The following PTPRG variants were observed in gnomAD, a reference collection of about 807,000 sequenced individuals.
The protein encoded by PTPRG is protein tyrosine phosphatase receptor type G, also known as receptor-type tyrosine-protein phosphatase gamma.
In PTPRG, 102 loss-of-function variants were observed where a neutral mutation model predicts 165.3. That is an observed-to-expected ratio of 0.62 (90% confidence interval 0.53 to 0.73). The LOEUF (loss-of-function observed/expected upper bound fraction) is 0.73, where lower values mean the gene tolerates loss of function less well. PTPRG is among the 30% of genes least tolerant of loss of function. The pLI is 0.00. For missense variants in PTPRG, 1,866 were observed against 1,861.4 expected (o/e 1.00, Z -0.05); for synonymous variants, 675 against 669.5 (o/e 1.01, Z -0.13).
intron 1 of PTPRG, among the ~76,000 whole-genome samples, chr3:61,646,044 A>G (rs1410649547): frequency 6.6e-6 from 1 of 152,232 alleles, no homozygotes; most frequent in Non-Finnish European, 1.5e-5. Flanking sequence ...GGACTCCTCC[A>G]TTCAGAGAGA....
intron 2 of PTPRG, among the ~76,000 whole-genome samples, chr3:61,782,848 G>T (rs1297233660): frequency 6.6e-6 from 1 of 152,082 alleles, no homozygotes; most frequent in African/African-American, 2.4e-5. Context: ...TGTTGCCCAG[G>T]TTGGAGTGCA....
At chr3:62,281,026 A>G (rs953239182) in intron 26 of PTPRG, among the ~76,000 whole-genome samples, 2 of 152,040 alleles carry the variant, frequency 1.3e-5, no homozygotes, top group Admixed American at 6.6e-5. Flanking sequence ...CAAAAATGAA[A>G]GTGAGATGAT....
At chr3:61,747,472 A>G (rs1005532796) in intron 1 of PTPRG, among the ~76,000 whole-genome samples, 5 of 152,252 alleles carry the variant, frequency 3.3e-5, no homozygotes, top group Admixed American at 3.3e-4. Flanking sequence ...ATGAGCAGAC[A>G]TAAATGACAT....
intron 1 of PTPRG, among the ~76,000 whole-genome samples, chr3:61,716,819 A>C (rs561475467): frequency 6.6e-6 from 1 of 152,234 alleles, no homozygotes; most frequent in East Asian, 1.9e-4. Context: ...AAAAACTACA[A>C]AAATTAGCTG....
chr3:62,209,856 A>G (rs976613807), intron 12 of PTPRG, among the ~76,000 whole-genome samples: 1 of 152,192 alleles, frequency 6.6e-6, no homozygotes, highest in Admixed American at 6.5e-5. Context: ...AAGAACAATT[A>G]GATTTCCGGA....
intron 1 of PTPRG, among the ~76,000 whole-genome samples, chr3:61,670,062 T>C (rs1372353938): frequency 6.6e-6 from 1 of 152,192 alleles, no homozygotes; most frequent in East Asian, 1.9e-4. Flanking sequence ...TCTCCTTGTC[T>C]CTTTGATGGG....
At chr3:62,126,473 T>C (rs7640090) in intron 5 of PTPRG, among the ~76,000 whole-genome samples, 118,290 of 152,096 alleles carry the variant, frequency 0.78, 46,264 homozygotes, top group Middle Eastern at 0.85. Flanking sequence ...AATTGTGTTT[T>C]GTTTTCATAT....
intron 2 of PTPRG, among the ~76,000 whole-genome samples, chr3:61,842,315 C>A (rs150111200): frequency 1.3e-4 from 20 of 152,316 alleles, no homozygotes; most frequent in African/African-American, 4.6e-4. Context: ...TTCACTGCAA[C>A]ACATACATGC....
At chr3:61,597,532 C>T (rs1343589332) in intron 1 of PTPRG, among the ~76,000 whole-genome samples, 1 of 152,220 alleles carries the variant, frequency 6.6e-6, no homozygotes, top group Admixed American at 6.5e-5. Flanking sequence ...ATACCACCAG[C>T]TGCCCACATT....
At position 62,195,321 on chromosome 3, in the gene PTPRG, A is replaced by G; in HGVS notation, c.1327+151A>G. On this transcript the variant is annotated intron_variant, in intron 10 of 29. Coordinates refer to ENST00000474889, the MANE Select transcript of PTPRG (RefSeq NM_002841.4). This position sits in a 1 kb window ranked among gnomAD's most constrained non-coding sequence, Gnocchi z 4.4. ...TTTTAAAGCCTATGCGGGAAGCCCTAGTAATTTAGGTCTTTTAGGTTGGAG... is the reference window on the plus strand; with the variant it reads ...TTTTAAAGCCTATGCGGGAAGCCCTGGTAATTTAGGTCTTTTAGGTTGGAG... 2.9e-6 allele frequency: 2 copies of G among 678,260 alleles called. No homozygotes were observed. Among genetic ancestry groups the G allele is most frequent in the Non-Finnish European group, 5.0e-6 (2 of 402,802 alleles). 42.0% of individuals were successfully genotyped at this position (678,260 alleles called of 1,614,324 possible).
At chr3:61,687,467 C>T (rs1703669859) in intron 1 of PTPRG, among the ~76,000 whole-genome samples, 1 of 152,212 alleles carries the variant, frequency 6.6e-6, no homozygotes, top group South Asian at 2.1e-4. Context: ...TGGGGCTGTA[C>T]ATTAAGAGAC....
At chr3:61,739,475 A>G (rs2032896921) in intron 1 of PTPRG, among the ~76,000 whole-genome samples, 10 of 152,196 alleles carry the variant, frequency 6.6e-5, no homozygotes, top group Admixed American at 5.2e-4. Flanking sequence ...TGGAGTAGCT[A>G]TTCATATTAA....
Position 62,214,354 on chromosome 3 carries a change from A to G in PTPRG, c.2156-4497A>G, listed in dbSNP as rs974677099. On this transcript the variant is annotated intron_variant, in intron 12 of 29. Coordinates refer to ENST00000474889, the MANE Select transcript of PTPRG (RefSeq NM_002841.4). This position sits in a 1 kb window ranked among gnomAD's most constrained non-coding sequence, Gnocchi z 5.2. ...CGAAGCTGGGGTGGTGGTGATGACAATAATCACAATAGTTAACATTAACCA... is the reference window on the plus strand; with the variant it reads ...CGAAGCTGGGGTGGTGGTGATGACAGTAATCACAATAGTTAACATTAACCA... 3.3e-5 allele frequency among the ~76,000 whole-genome samples: 5 copies of G among 152,242 alleles called. No homozygotes were observed. Among genetic ancestry groups the G allele is most frequent in the Non-Finnish European group, 7.3e-5 (5 of 68,054 alleles).
At chr3:61,589,631 T>TG (rs71629133) in intron 1 of PTPRG, among the ~76,000 whole-genome samples, 1 of 151,682 alleles carries the variant, frequency 6.6e-6, no homozygotes, top group Non-Finnish European at 1.5e-5. Flanking sequence ...TGGGGTGGGG[T>TG]GGGGGTGTCA....
intron 2 of PTPRG, among the ~76,000 whole-genome samples, chr3:61,855,218 T>C (rs1386004032): frequency 6.6e-6 from 1 of 152,186 alleles, no homozygotes; most frequent in African/African-American, 2.4e-5. Context: ...GTAAAAGTAA[T>C]AGTATAGAAA....
chr3:62,018,007 C>A (rs993809324), intron 4 of PTPRG, among the ~76,000 whole-genome samples: 1 of 152,162 alleles, frequency 6.6e-6, no homozygotes, highest in Non-Finnish European at 1.5e-5. Flanking sequence ...TCTCCAGTGC[C>A]CACACTCCAA....
At chr3:62,067,306 A>G (rs1408698689) in intron 4 of PTPRG, among the ~76,000 whole-genome samples, 4 of 150,890 alleles carry the variant, frequency 2.7e-5, no homozygotes, top group Non-Finnish European at 5.9e-5. Context: ...TAGGCACAGG[A>G]AACTCCCATG....
At chr3:61,674,129 A>G (rs1223167523) in intron 1 of PTPRG, among the ~76,000 whole-genome samples, 1 of 151,926 alleles carries the variant, frequency 6.6e-6, no homozygotes, top group African/African-American at 2.4e-5. Context: ...GTGTATACCT[A>G]TGTAACAAAC....
At chr3:62,117,459 C>G (rs1371283466) in intron 5 of PTPRG, among the ~76,000 whole-genome samples, 2 of 152,144 alleles carry the variant, frequency 1.3e-5, no homozygotes, top group East Asian at 3.9e-4. Context: ...TAACACAACA[C>G]TTGTAAAAAG....
Sources: gnomAD v4.1 joint callset for allele counts (sites outside exome capture counted in the v4.1 genomes callset) on GRCh38, gnomAD v4.1.1 for gene constraint, Gnocchi (gnomAD v3.1) non-coding constraint, MANE v1.5 for transcripts, NCBI Gene and HGNC (gene_info 2026-07-23, HGNC 2026-07-21) for gene names.